The following SYNE2 variants were observed in gnomAD, a reference collection of about 807,000 sequenced individuals.
The protein encoded by SYNE2 is spectrin repeat containing nuclear envelope protein 2.
SYNE2 carries 431 observed loss-of-function variants against 856.3 expected under a neutral mutation model. The ratio of observed to expected loss-of-function variants is 0.50; its 90% CI spans 0.47 to 0.55. SYNE2 has a LOEUF of 0.55. SYNE2 is among the 20% of genes least tolerant of loss of function. SYNE2 has a pLI of 0.00. For synonymous variants in SYNE2, 2,923 were observed against 2,872.3 expected, an observed-to-expected ratio of 1.02 and a Z score of -0.56; for missense variants, 8,129 against 8,023.2, an observed-to-expected ratio of 1.01 and a Z score of -0.50.
At chr14:64,125,770 A>G (rs899073123) in intron 71 of SYNE2, among the ~76,000 whole-genome samples, 1 of 152,178 alleles carries the variant, frequency 6.6e-6, no homozygotes, top group Admixed American at 6.5e-5. Flanking sequence ...AATGCATGAC[A>G]CTGGGGACGT....
At position 64,125,097 on chromosome 14, in the gene SYNE2, A is replaced by T. The variant is rs1293583448; in HGVS notation, c.13441A>T (p.Ile4481Phe). Reference sequence around the variant, plus strand: ...CAAATAGGTTTCCACAAATATGGGTATTCTACCCAGCGTGACTATGTATAA... The same window carrying T: ...CAAATAGGTTTCCACAAATATGGGTTTTCTACCCAGCGTGACTATGTATAA... ...VEPQVSTNMG[I>F]LPSVTMYNFR... Residue 4481 changes from isoleucine to phenylalanine, a missense_variant, in exon 71 of 116, where the codon ATT becomes TTT. Around this residue, in one of 3 missense-constraint regions of SYNE2, gnomAD observed 5,410 missense variants for 5,284.8 expected, o/e 1.02. Coordinates refer to ENST00000555002, the MANE Select transcript of SYNE2 (RefSeq NM_182914.3). 1 of 1,614,050 alleles carries T rather than the reference A, an allele frequency of 6.2e-7. No individual in the cohort carries two copies. The highest frequency in any genetic ancestry group is 1.3e-5 in the African/African-American group (1 of 74,938).
intron 99 of SYNE2, among the ~76,000 whole-genome samples, chr14:64,198,320 A>C (rs1246551421): frequency 6.6e-6 from 1 of 152,186 alleles, no homozygotes; most frequent in Non-Finnish European, 1.5e-5. Context: ...TGAGATTTTA[A>C]ATTTTTCAAG....
intron 1 of SYNE2, among the ~76,000 whole-genome samples, chr14:63,791,956 A>AAAAC (rs1555338770): frequency 6.6e-6 from 1 of 150,726 alleles, no homozygotes; most frequent in African/African-American, 2.4e-5. Context: ...AAAAAAAAAC[A>AAAAC]AAAACAAAAC....
At chr14:64,135,155 A>G (rs2098075652) in intron 78 of SYNE2, among the ~76,000 whole-genome samples, 1 of 152,208 alleles carries the variant, frequency 6.6e-6, no homozygotes, top group African/African-American at 2.4e-5. Context: ...AACAAGTTTT[A>G]AGTCTTCTCA....
At chr14:63,955,428 A>G (rs1228188220) in intron 8 of SYNE2, among the ~76,000 whole-genome samples, 1 of 152,248 alleles carries the variant, frequency 6.6e-6, no homozygotes, top group Non-Finnish European at 1.5e-5. Flanking sequence ...TTTAGAGATC[A>G]TCATCAAATT....
intron 1 of SYNE2, among the ~76,000 whole-genome samples, chr14:63,833,070 G>GC (rs1889727585): frequency 6.6e-6 from 1 of 151,516 alleles, no homozygotes; most frequent in African/African-American, 2.4e-5. Flanking sequence ...TTGGCTGGGT[G>GC]CAGTAGCTCA....
intron 66 of SYNE2, 80 bp downstream of exon 66, chr14:64,113,651 A>G (rs1421737666): frequency 9.1e-6 from 13 of 1,429,056 alleles, no homozygotes; most frequent in Non-Finnish European, 1.2e-5. Context: ...TCTTAAAGCA[A>G]CACTGTTTTT....
At chr14:64,215,860 A>C in intron 107 of SYNE2, 1 of 988,984 alleles carries the variant, frequency 1.0e-6, no homozygotes, top group Non-Finnish European at 1.3e-6. Context: ...TGGGTCGGGG[A>C]GAGCCCTGAG....
At chr14:63,795,973 G>A (rs537622354) in intron 1 of SYNE2, among the ~76,000 whole-genome samples, 2 of 152,336 alleles carry the variant, frequency 1.3e-5, no homozygotes, top group African/African-American at 4.8e-5. Flanking sequence ...AGTCTAGGGT[G>A]AGGATAGGAG....
intron 1 of SYNE2, among the ~76,000 whole-genome samples, chr14:63,831,964 T>C (rs886286211): frequency 1.3e-5 from 2 of 152,090 alleles, no homozygotes; most frequent in African/African-American, 4.8e-5. Context: ...CAAGAGACAT[T>C]TTTATAGACA....
chr14:63,913,051 G>A (rs963263499), intron 2 of SYNE2, among the ~76,000 whole-genome samples: 1 of 151,782 alleles, frequency 6.6e-6, no homozygotes, highest in Non-Finnish European at 1.5e-5. Flanking sequence ...TTCCCACCTC[G>A]GCCTCCCAAG....
intron 1 of SYNE2, among the ~76,000 whole-genome samples, chr14:63,847,021 C>T (rs1010833440): frequency 1.3e-4 from 19 of 151,454 alleles, no homozygotes; most frequent in Middle Eastern, 3.4e-3. Flanking sequence ...AAAGTCTTGC[C>T]GTGTTGCCCA....
intron 1 of SYNE2, among the ~76,000 whole-genome samples, chr14:63,878,430 T>C (rs2140538683): frequency 6.6e-6 from 1 of 152,340 alleles, no homozygotes; most frequent in Non-Finnish European, 1.5e-5. Context: ...GGTTAATATC[T>C]CATATTTGGG....
chr14:63,771,690 G>C (rs1886917704), intron 1 of SYNE2, among the ~76,000 whole-genome samples: 1 of 152,080 alleles, frequency 6.6e-6, no homozygotes, highest in Non-Finnish European at 1.5e-5. Context: ...CCTGAGGTCA[G>C]GAGTTCGAGA....
In SYNE2 at chr14:64,127,099, A is replaced by G. The variant is rs535195968; in HGVS notation, c.13917+292A>G. 5.9e-5 allele frequency among the ~76,000 whole-genome samples: 9 copies of G among 152,262 alleles called. No individual in the cohort carries two copies. In the East Asian group the frequency reaches 7.7e-4, roughly 13 times the overall value. On this transcript the variant is annotated intron_variant, in intron 73 of 115. Transcript: ENST00000555002. The stretch of plus-strand genomic sequence containing the variant: ...AACATGGTGAAACCCCATCTCTACT[A>G]AAAATACAAAAATTAGCCGGACATG...
chr14:64,023,988 C>T (rs1347202273), intron 38 of SYNE2: 1 of 411,810 alleles, frequency 2.4e-6, no homozygotes, highest in Admixed American at 3.6e-5. Flanking sequence ...TGGACGTAGC[C>T]AGGATAGGAA....
intron 44 of SYNE2, among the ~76,000 whole-genome samples, chr14:64,030,639 T>C (rs1193804302): frequency 2.6e-5 from 4 of 152,232 alleles, no homozygotes; most frequent in Non-Finnish European, 5.9e-5. Context: ...TTAGATTCAT[T>C]GGGTACATTC....
chr14:64,047,905 A>G (rs2097197838), intron 45 of SYNE2, 95 bp from the exon 46 acceptor site: 4 of 1,361,634 alleles, frequency 2.9e-6, no homozygotes, highest in Admixed American at 3.7e-5. Context: ...TAATCCAAGT[A>G]AACAGAAGAA....
upstream of SYNE2, among the ~76,000 whole-genome samples, chr14:63,849,630 T>A (rs780647366): frequency 5.3e-5 from 8 of 152,204 alleles, no homozygotes; most frequent in Non-Finnish European, 7.3e-5. Context: ...TCTGTTGCCA[T>A]CCTTGTTTAG....
Sources: allele counts gnomAD v4.1 joint callset (sites outside exome capture counted in the v4.1 genomes callset), GRCh38; gene constraint gnomAD v4.1.1; regional missense constraint gnomAD v4.1.1; transcripts MANE v1.5; gene names NCBI Gene and HGNC (gene_info 2026-07-23, HGNC 2026-07-21).